WASF3: variants seen among roughly 807,000 people sequenced by gnomAD.
WASF3 encodes the protein actin-binding protein WASF3.
WASF3 carries 11 observed loss-of-function variants against 46.6 expected under a neutral mutation model. That is an observed-to-expected ratio of 0.24 (90% CI 0.15 to 0.39). The LOEUF is 0.39. WASF3 is among the 10% of genes least tolerant of loss of function. The probability of loss-of-function intolerance (pLI) is 1.00; values close to 1 mark genes in which losing one functional copy is unlikely to be tolerated. For synonymous variants in WASF3, 242 were observed against 259.7 expected (o/e 0.93, Z 0.65); for missense variants, 576 against 669.8 (o/e 0.86, Z 1.55).
chr13:26,618,584 A>C (rs946232630), intron 2 of WASF3, among the ~76,000 whole-genome samples: 13 of 148,128 alleles, frequency 8.8e-5, no homozygotes, highest in African/African-American at 3.3e-4. Flanking sequence ...TTTTTCATTC[A>C]CTGCTATGTT....
At chr13:26,597,297 C>G (rs1201047075) in intron 1 of WASF3, among the ~76,000 whole-genome samples, 2 of 152,132 alleles carry the variant, frequency 1.3e-5, no homozygotes, top group African/African-American at 4.8e-5. Flanking sequence ...CCACACCCGG[C>G]TAATGTTTTG....
chr13:26,676,615 C>T lies in WASF3; in HGVS notation c.607C>T (p.Gln203Ter). 1 of 1,614,118 alleles carries T rather than the reference C, an allele frequency of 6.2e-7. No individual in the cohort carries two copies. The highest frequency in any genetic ancestry group is 8.5e-7 in the Non-Finnish European group (1 of 1,180,024). ...KKVRKARNRR[Q>*]EWNMMAYDKE... ...GGTTAGAAAAGCCAGAAACAGGCGC[C>T]AGGAGTGGAATATGATGGCATATGA... is the stretch of plus-strand genomic sequence containing the variant. Residue 203 changes from glutamine to a stop codon, truncating the protein, a stop_gained, in exon 7 of 10, where the codon CAG (glutamine) becomes TAG (stop). Transcript: ENST00000335327. LOFTEE classifies it high-confidence loss of function.
chr13:26,611,643 A>C (rs1480879669), intron 1 of WASF3, among the ~76,000 whole-genome samples: 1 of 152,152 alleles, frequency 6.6e-6, no homozygotes. Flanking sequence ...ACCCAGGGAT[A>C]ATTTTCTGTA....
In WASF3 at chr13:26,620,397, T is replaced by C. The variant is rs370711726; in HGVS notation, c.-11+7339T>C. 3.9e-5 allele frequency among the ~76,000 whole-genome samples: 6 copies of C among 152,156 alleles called. 1 individual carries two copies. The highest frequency in any genetic ancestry group is 1.9e-4 in the East Asian group (1 of 5,198). ...TCTAAAAGGACTTAGAAATAAAATA[T>C]GGGTATATTTTAAAAATATTTTTTA... On this transcript the variant is annotated intron_variant, in intron 2 of 9. Transcript: ENST00000335327.
intron 3 of WASF3, among the ~76,000 whole-genome samples, chr13:26,664,558 TA>T (rs1284704560): frequency 6.6e-6 from 1 of 152,216 alleles, no homozygotes; most frequent in Non-Finnish European, 1.5e-5. Context: ...CAATATTAAT[TA>T]GAAGAATTTA....
At chr13:26,606,047 C>CA (rs1880785276) in intron 1 of WASF3, among the ~76,000 whole-genome samples, 1 of 152,158 alleles carries the variant, frequency 6.6e-6, no homozygotes, top group Admixed American at 6.5e-5. Flanking sequence ...GTGGGTTGTT[C>CA]AGGCTGGTGG....
intron 2 of WASF3, among the ~76,000 whole-genome samples, chr13:26,623,658 G>C (rs1881374967): frequency 6.6e-6 from 1 of 152,150 alleles, no homozygotes; most frequent in Non-Finnish European, 1.5e-5. Flanking sequence ...GAGATGCACA[G>C]ATCCTGAGAA....
intron 2 of WASF3, among the ~76,000 whole-genome samples, chr13:26,628,373 G>T (rs1295745080): frequency 4.6e-5 from 7 of 152,182 alleles, no homozygotes; most frequent in Admixed American, 4.6e-4. Context: ...GAAAGAGTTT[G>T]CAGTAAGAGG....
At chr13:26,684,410 G>A (rs535177352) in intron 9 of WASF3, among the ~76,000 whole-genome samples, 2 of 152,040 alleles carry the variant, frequency 1.3e-5, no homozygotes, top group African/African-American at 2.4e-5. Flanking sequence ...CTTCAAAAAC[G>A]AGAAGGTTGT....
chr13:26,658,084 AGTTGGTGTGCTTT>A (rs1268667388), intron 3 of WASF3, among the ~76,000 whole-genome samples: 1 of 152,140 alleles, frequency 6.6e-6, no homozygotes, highest in African/African-American at 2.4e-5. Context: ...TCTCAACAAT[AGTTGGTGTGCTTT>A]GAGAGTATTG....
At chr13:26,657,825 C>T (rs1200705759) in intron 3 of WASF3, among the ~76,000 whole-genome samples, 1 of 152,182 alleles carries the variant, frequency 6.6e-6, no homozygotes, top group Admixed American at 6.5e-5. Flanking sequence ...TAACACTATT[C>T]TTATTCATCA....
At chr13:26,591,057 C>T (rs964623311) in intron 1 of WASF3, among the ~76,000 whole-genome samples, 2 of 150,858 alleles carry the variant, frequency 1.3e-5, no homozygotes, top group African/African-American at 4.9e-5. Flanking sequence ...CGGAACATTC[C>T]AGGAGAGATG....
upstream of WASF3, among the ~76,000 whole-genome samples, chr13:26,553,800 G>A (rs1879020727): frequency 6.9e-6 from 1 of 145,020 alleles, no homozygotes; most frequent in Non-Finnish European, 1.5e-5. Context: ...CTGGGCGACA[G>A]AGCGAGACTC....
At chr13:26,560,979 G>A (rs1879276782) in intron 1 of WASF3, among the ~76,000 whole-genome samples, 1 of 152,148 alleles carries the variant, frequency 6.6e-6, no homozygotes, top group Non-Finnish European at 1.5e-5. Flanking sequence ...GGAATTGGTC[G>A]AAGTCTGGGT....
intron 1 of WASF3, among the ~76,000 whole-genome samples, chr13:26,564,911 T>G (rs564684204): frequency 1.6e-4 from 24 of 149,520 alleles, no homozygotes; most frequent in African/African-American, 5.4e-4. Context: ...TTTTTTTTTT[T>G]TTTTTTTTTT....
chr13:26,621,770 G>A (rs184133536), intron 2 of WASF3, among the ~76,000 whole-genome samples: 7 of 152,238 alleles, frequency 4.6e-5, no homozygotes, highest in Admixed American at 1.3e-4. Flanking sequence ...GGCAGTGTGC[G>A]AAGTGAGGAG....
intron 1 of WASF3, among the ~76,000 whole-genome samples, chr13:26,586,918 A>G (rs1277103526): frequency 1.3e-5 from 2 of 151,980 alleles, no homozygotes; most frequent in African/African-American, 2.4e-5. Context: ...TCTGGTCAAC[A>G]TGGCGAAACC....
the WASF3 span, among the ~76,000 whole-genome samples, chr13:26,542,285 AG>A: frequency 6.6e-6 from 1 of 152,200 alleles, no homozygotes; most frequent in African/African-American, 2.4e-5. Context: ...ATAAGATTGT[AG>A]GTTGTTTGAA....
At chr13:26,550,500 C>T in the WASF3 span, among the ~76,000 whole-genome samples, 1 of 152,174 alleles carries the variant, frequency 6.6e-6, no homozygotes, top group Non-Finnish European at 1.5e-5. Flanking sequence ...ATTTTACTCT[C>T]ATTTTATATA....
Sources: allele counts gnomAD v4.1 joint callset (sites outside exome capture counted in the v4.1 genomes callset), GRCh38; gene constraint gnomAD v4.1.1; transcripts MANE v1.5; gene names NCBI Gene and HGNC (gene_info 2026-07-23, HGNC 2026-07-21).